Variants in BCL2L11 observed in about 807,000 individuals in gnomAD.
BCL2L11 encodes the protein bcl-2-like protein 11.
A neutral mutation model predicts 20.6 loss-of-function variants in BCL2L11; 15 were observed. That is an observed-to-expected ratio of 0.73 (90% CI 0.49 to 1.12). BCL2L11 has a LOEUF of 1.12. Ranked by LOEUF, BCL2L11 falls within the 50% of genes most tolerant of loss-of-function variation. The probability of loss-of-function intolerance (pLI) is 0.00; values close to 1 mark genes in which losing one functional copy is unlikely to be tolerated. For synonymous variants in BCL2L11, 108 were observed against 92.8 expected, an observed-to-expected ratio of 1.16 and a Z score of -0.94; for missense variants, 292 against 260.9, an observed-to-expected ratio of 1.12 and a Z score of -0.82.
rs1019981375 is a variant in BCL2L11 at position 111,123,498 on chromosome 2, C to T, written c.-13-235C>T. The T allele has an allele frequency of 6.1e-6, 6 of 985,328 alleles. No homozygotes were observed. In the African/African-American group the frequency reaches 8.7e-5, roughly 14 times the overall value. 61.0% of individuals were successfully genotyped at this position (985,328 alleles called of 1,614,324 possible). The stretch of plus-strand genomic sequence containing the variant: ...AACGCATGTGTGTGTGCACCAGTTC[C>T]GCAAGCTGTTGACATTGTTACTGTA... On this transcript the variant is annotated intron_variant, in intron 1 of 3. Transcript: ENST00000393256.
At chr2:111,162,285 G>C (rs1280888178) in intron 3 of BCL2L11, among the ~76,000 whole-genome samples, 1 of 152,226 alleles carries the variant, frequency 6.6e-6, no homozygotes, top group Non-Finnish European at 1.5e-5. Flanking sequence ...ATGTTGTCAT[G>C]CCCGCCGTCT....
intron 2 of BCL2L11, among the ~76,000 whole-genome samples, chr2:111,144,743 A>T (rs973747343): frequency 6.6e-6 from 1 of 152,222 alleles, no homozygotes; most frequent in Admixed American, 6.5e-5. Context: ...TTTTCGGAGT[A>T]TCTCTTGGAA....
chr2:111,125,992 C>T (rs576263483), intron 2 of BCL2L11, among the ~76,000 whole-genome samples: 3 of 152,234 alleles, frequency 2.0e-5, no homozygotes, highest in Non-Finnish European at 4.4e-5. Flanking sequence ...GTGAAACACA[C>T]GTGCATTAAA....
At chr2:111,135,772 T>C (rs1470843305) in intron 2 of BCL2L11, among the ~76,000 whole-genome samples, 1 of 152,164 alleles carries the variant, frequency 6.6e-6, no homozygotes, top group Non-Finnish European at 1.5e-5. Context: ...TAATGTCATG[T>C]CAACTAACTA....
chr2:111,142,489 G>T (rs1021229531), intron 2 of BCL2L11: 1 of 913,798 alleles, frequency 1.1e-6, no homozygotes, highest in Non-Finnish European at 1.7e-6. Context: ...TAGCCCTACA[G>T]TGTGTTATCA....
At chr2:111,123,239 G>A (rs2071615525) in intron 1 of BCL2L11, 1 of 985,366 alleles carries the variant, frequency 1.0e-6, no homozygotes, top group Non-Finnish European at 1.2e-6. Flanking sequence ...ACTGACGGCC[G>A]CTGCCAGACC....
intron 1 of BCL2L11, chr2:111,123,059 C>T (rs943991569): frequency 5.1e-6 from 5 of 975,596 alleles, no homozygotes; most frequent in South Asian, 9.5e-5. Context: ...CCGCCGCCCC[C>T]TCCCCATTTA....
At chr2:111,150,352 T>A in intron 3 of BCL2L11, 1 of 1,043,090 alleles carries the variant, frequency 9.6e-7, no homozygotes, top group Non-Finnish European at 1.3e-6. Context: ...AATAATACAG[T>A]AGGAGGCAGC....
At chr2:111,122,509 C>T in intron 1 of BCL2L11, 2 of 703,400 alleles carry the variant, frequency 2.8e-6, no homozygotes, top group Non-Finnish European at 3.5e-6. Context: ...CCGCCCCCAC[C>T]GCGGCTGCCG....
At chr2:111,150,252 A>G (rs1415325350) in intron 3 of BCL2L11, 105 bp downstream of exon 3, 3 of 1,519,498 alleles carry the variant, frequency 2.0e-6, no homozygotes, top group Non-Finnish European at 2.7e-6. Flanking sequence ...TAATTCTGGA[A>G]ATGATTACTG....
In BCL2L11 at chr2:111,128,959, G is replaced by A. The variant is rs1009492211; in HGVS notation, c.394+4820G>A. 3.6e-5 allele frequency: 28 copies of A among 787,980 alleles called. No individual in the cohort carries two copies. In the South Asian group the frequency reaches 4.5e-4, roughly 13 times the overall value. 48.8% of individuals were successfully genotyped at this position (787,980 alleles called of 1,614,324 possible). A position where few individuals can be genotyped will look rare whatever the true frequency, so the allele number is the denominator to read the frequency against. On this transcript the variant is annotated intron_variant, in intron 2 of 3. Transcript: ENST00000393256. The stretch of plus-strand genomic sequence containing the variant: ...AGGCTGGCCTCACAGAGGAGCTGGA[G>A]TGTGCAGTGCTGCTCTAGCAAGCCA...
chr2:111,164,525 C>A lies in BCL2L11; in HGVS notation c.*294C>A. ...GGATTTTGTGTAAGAATGGTGTTTACATGCAGTGTGTTTTCCCCCTCACCT... is the reference window on the plus strand; with the variant it reads ...GGATTTTGTGTAAGAATGGTGTTTAAATGCAGTGTGTTTTCCCCCTCACCT... On this transcript the variant is annotated 3_prime_UTR_variant, in exon 4 of 4. Coordinates refer to ENST00000393256, the MANE Select transcript of BCL2L11 (RefSeq NM_138621.5). 1 of 265,840 alleles carries A rather than the reference C, an allele frequency of 3.8e-6. No homozygotes were observed. 16.5% of individuals were successfully genotyped at this position (265,840 alleles called of 1,614,324 possible). A position where few individuals can be genotyped will look rare whatever the true frequency, so the allele number is the denominator to read the frequency against.
rs116394826 is a variant in BCL2L11 at position 111,123,389 on chromosome 2, C to T, written c.-13-344C>T. The stretch of plus-strand genomic sequence containing the variant: ...ACCTAACCCCGGGAAGTCAGAGCCG[C>T]TGGGAGTTTCTGACTTACTCGAAGA... On this transcript the variant is annotated intron_variant, in intron 1 of 3. Coordinates refer to ENST00000393256, the MANE Select transcript of BCL2L11 (RefSeq NM_138621.5). 8.2e-3 allele frequency: 8,089 copies of T among 985,462 alleles called. 542 individuals carry two copies. The African/African-American group carries it at 0.13, about 16-fold the overall frequency. The allele number at this position is 985,462 out of a possible 1,614,324, so 61.0% of individuals were successfully genotyped here. A position where few individuals can be genotyped will look rare whatever the true frequency, so the allele number is the denominator to read the frequency against.
chr2:111,131,009 G>A (rs922334527), intron 2 of BCL2L11, among the ~76,000 whole-genome samples: 3 of 152,114 alleles, frequency 2.0e-5, no homozygotes, highest in Non-Finnish European at 2.9e-5. Context: ...TGAATTTGTC[G>A]ATATTTTGTT....
intron 1 of BCL2L11, chr2:111,122,573 C>T (rs2071314182): frequency 4.1e-6 from 4 of 980,014 alleles, no homozygotes; most frequent in African/African-American, 3.5e-5. Flanking sequence ...CGCGGGCACC[C>T]GGCGCCAGCG....
Position 111,164,517 on chromosome 2 carries a change from G to C in BCL2L11, c.*286G>C, listed in dbSNP as rs2078930877. 1 of 289,712 alleles carries C rather than the reference G, an allele frequency of 3.5e-6. No homozygotes were observed. Among genetic ancestry groups the C allele is most frequent in the Non-Finnish European group, 6.5e-6 (1 of 153,688 alleles). The allele number at this position is 289,712 out of a possible 1,614,324, so 17.9% of individuals were successfully genotyped here. On this transcript the variant is annotated 3_prime_UTR_variant, in exon 4 of 4. Coordinates refer to ENST00000393256, the MANE Select transcript of BCL2L11 (RefSeq NM_138621.5). Reference sequence around the variant, plus strand: ...TTGGAGCAGGATTTTGTGTAAGAATGGTGTTTACATGCAGTGTGTTTTCCC... The same window carrying C: ...TTGGAGCAGGATTTTGTGTAAGAATCGTGTTTACATGCAGTGTGTTTTCCC...
chr2:111,156,372 C>G (rs1382721217), intron 3 of BCL2L11, among the ~76,000 whole-genome samples: 1 of 152,198 alleles, frequency 6.6e-6, no homozygotes, highest in Non-Finnish European at 1.5e-5. Flanking sequence ...CAAAAGCAGT[C>G]ATGAGGAGCT....
intron 1 of BCL2L11, among the ~76,000 whole-genome samples, chr2:111,121,575 G>T (rs2070935515): frequency 6.6e-6 from 1 of 152,202 alleles, no homozygotes; most frequent in Non-Finnish European, 1.5e-5. Flanking sequence ...TCTCGCCGCC[G>T]GCTCCGGCGC....
chr2:111,124,857 A>C (rs562561468), intron 2 of BCL2L11, among the ~76,000 whole-genome samples: 1 of 151,542 alleles, frequency 6.6e-6, no homozygotes, highest in South Asian at 2.1e-4. Context: ...ACATAGAACC[A>C]TGAAAATGGT....
Sources: allele counts gnomAD v4.1 joint callset (sites outside exome capture counted in the v4.1 genomes callset), GRCh38; gene constraint gnomAD v4.1.1; transcripts MANE v1.5; gene names NCBI Gene and HGNC (gene_info 2026-07-23, HGNC 2026-07-21).